The following ELSPBP1 variants were observed in gnomAD, a reference collection of about 807,000 sequenced individuals.
ELSPBP1 encodes the protein epididymal sperm-binding protein 1.
Under a neutral mutation model 33.3 loss-of-function variants are expected in ELSPBP1, and 38 were observed. The ratio of observed to expected loss-of-function variants is 1.14; its 90% CI spans 0.88 to 1.50. The LOEUF (loss-of-function observed/expected upper bound fraction) is 1.50, where lower values mean the gene tolerates loss of function less well. ELSPBP1 is among the 40% of genes most tolerant of loss of function. The pLI, the probability that ELSPBP1 is intolerant of heterozygous loss-of-function variation, is 0.00. For synonymous variants in ELSPBP1, 85 were observed against 94.1 expected (o/e 0.90, Z 0.56); for missense variants, 267 against 263.5 (o/e 1.01, Z -0.09).
At chr19:48,021,543 G>A (rs780940717) in intron 5 of ELSPBP1, among the ~76,000 whole-genome samples, 32 of 151,822 alleles carry the variant, frequency 2.1e-4, no homozygotes, top group Non-Finnish European at 2.9e-4. Flanking sequence ...GGGTTCAAGC[G>A]ATTCTTCTGC....
chr19:48,023,880 A>AT lies in ELSPBP1; in HGVS notation c.*8-1064dup, dbSNP rs1282825066. ...TTCTTTTTCTTTATTTTATTTATTT[A>AT]TTTTTTTTGAGACGGGGTCTCACTC... On this transcript the variant is annotated intron_variant, in intron 6 of 6. Transcript: ENST00000339841. Among the ~76,000 whole-genome samples, 11 of 123,944 alleles carry AT rather than the reference A, an allele frequency of 8.9e-5. No homozygotes were observed. In the East Asian group the frequency reaches 1.1e-3, roughly 13 times the overall value. The allele number at this position is 123,944 out of a possible 152,430, so 81.3% of individuals were successfully genotyped here.
At chr19:47,996,562 ATGT>A (rs1966914367) in intron 1 of ELSPBP1, among the ~76,000 whole-genome samples, 1 of 151,984 alleles carries the variant, frequency 6.6e-6, no homozygotes, top group Non-Finnish European at 1.5e-5. Context: ...TGATGGATGG[ATGT>A]ATGGATGATG....
At chr19:48,022,887 CA>C (rs10695720) in intron 6 of ELSPBP1, among the ~76,000 whole-genome samples, 28 of 140,662 alleles carry the variant, frequency 2.0e-4, no homozygotes, top group Middle Eastern at 3.6e-3. Flanking sequence ...CCTGTCTCTA[CA>C]AAAAAAAAAA....
chr19:48,007,274 C>A (rs1440619541), intron 1 of ELSPBP1, among the ~76,000 whole-genome samples: 2 of 152,166 alleles, frequency 1.3e-5, no homozygotes, highest in Non-Finnish European at 2.9e-5. Context: ...TGCCTAAGAA[C>A]TCTGACACTA....
rs781653767 is a variant in ELSPBP1 at position 48,001,506 on chromosome 19, C to T, written c.-18+6695C>T. 2.5e-4 allele frequency among the ~76,000 whole-genome samples: 38 copies of T among 152,126 alleles called. No homozygotes were observed. In the East Asian group the frequency reaches 3.7e-3, roughly 15 times the overall value. ...GACATTGGGTCCATCTGGGGAATCC[C>T]GGATCATCTTCCCATCTCAAGATCC... On this transcript the variant is annotated intron_variant, in intron 1 of 6. Transcript: ENST00000339841.
At chr19:48,013,696 G>A (rs1967100379) in intron 2 of ELSPBP1, among the ~76,000 whole-genome samples, 1 of 149,996 alleles carries the variant, frequency 6.7e-6, no homozygotes, top group Non-Finnish European at 1.5e-5. Context: ...CAGCCTGGGT[G>A]ACAGAGTAAG....
intron 2 of ELSPBP1, 102 bp from the exon 3 acceptor site, chr19:48,014,069 G>A (rs1363005969): frequency 5.1e-6 from 7 of 1,379,306 alleles, no homozygotes; most frequent in Middle Eastern, 1.8e-4. Context: ...GGCAGGGAGG[G>A]AACACGGACA....
chr19:47,998,446 A>T (rs1353159817), intron 1 of ELSPBP1, among the ~76,000 whole-genome samples: 1 of 151,658 alleles, frequency 6.6e-6, no homozygotes, highest in Non-Finnish European at 1.5e-5. Context: ...TCAATCAATC[A>T]ATCTCAGGGA....
At chr19:48,020,275 C>G (rs1967185699) in intron 5 of ELSPBP1, among the ~76,000 whole-genome samples, 2 of 152,224 alleles carry the variant, frequency 1.3e-5, no homozygotes, top group Admixed American at 6.5e-5. Flanking sequence ...TGTGATCACA[C>G]CTCTGTACTC....
intron 1 of ELSPBP1, among the ~76,000 whole-genome samples, chr19:48,001,805 A>G (rs968388995): frequency 2.6e-5 from 4 of 151,600 alleles, no homozygotes; most frequent in African/African-American, 9.7e-5. Flanking sequence ...CTCCCACCTC[A>G]GCCTCTCGAA....
At chr19:47,998,895 G>A (rs1426644982) in intron 1 of ELSPBP1, among the ~76,000 whole-genome samples, 1 of 152,022 alleles carries the variant, frequency 6.6e-6, no homozygotes, top group Admixed American at 6.6e-5. Context: ...AACACACCGC[G>A]CATGCTCACT....
intron 1 of ELSPBP1, among the ~76,000 whole-genome samples, chr19:48,005,297 C>T (rs535824225): frequency 6.6e-6 from 1 of 152,136 alleles, no homozygotes; most frequent in South Asian, 2.1e-4. Context: ...ATCAGTGAGG[C>T]AACAGGACAA....
Position 48,024,984 on chromosome 19 carries a change from G to A in ELSPBP1, c.*40G>A, listed in dbSNP as rs987374335. ...GAAATATCTTCAGAGGAAGACTGCC[G>A]CCATACTGAGGCTGAGCACAGATTT... On this transcript the variant is annotated 3_prime_UTR_variant, in exon 7 of 7. Coordinates refer to ENST00000339841, the MANE Select transcript of ELSPBP1 (RefSeq NM_022142.5). 5.9e-5 allele frequency: 9 copies of A among 152,114 alleles called. No homozygotes were observed. Among genetic ancestry groups the A allele is most frequent in the Admixed American group, 2.6e-4 (4 of 15,276 alleles). 9.4% of individuals were successfully genotyped at this position (152,114 alleles called of 1,614,324 possible). A position where few individuals can be genotyped will look rare whatever the true frequency, so the allele number is the denominator to read the frequency against.
chr19:48,018,433 C>G (rs1409173144), intron 4 of ELSPBP1, among the ~76,000 whole-genome samples: 1 of 152,098 alleles, frequency 6.6e-6, no homozygotes, highest in Non-Finnish European at 1.5e-5. Flanking sequence ...AAGTTAGACC[C>G]GAGTTGGAAT....
chr19:47,998,500 C>G (rs974893702), intron 1 of ELSPBP1, among the ~76,000 whole-genome samples: 5 of 151,762 alleles, frequency 3.3e-5, no homozygotes, highest in African/African-American at 1.2e-4. Flanking sequence ...GACAAAATGG[C>G]AGAGTCCGGG....
chr19:48,019,766 T>G lies in ELSPBP1; in HGVS notation c.403T>G (p.Tyr135Asp). The G allele has an allele frequency of 6.2e-7, 1 of 1,614,090 alleles. No individual in the cohort carries two copies. The highest frequency in any genetic ancestry group is 8.5e-7 in the Non-Finnish European group (1 of 1,179,998). ...LRKPCIFPSI[Y>D]RNNVVSDCME... ...GAAGCCCTGCATCTTCCCCTCCATC[T>G]ACAGAAATAATGTGGTCTCTGATTG... Residue 135 changes from tyrosine (Y) to aspartate (D), a missense_variant, in exon 5 of 7, where the codon TAC (tyrosine) becomes GAC (aspartate). Transcript: ENST00000339841.
chr19:48,023,513 AAAT>A (rs1213412595), intron 6 of ELSPBP1, among the ~76,000 whole-genome samples: 4 of 91,940 alleles, frequency 4.4e-5, no homozygotes, highest in East Asian at 2.6e-4. Context: ...AAGAGGAAGG[AAAT>A]AAGGAAGGAA....
intron 1 of ELSPBP1, among the ~76,000 whole-genome samples, chr19:48,006,929 A>C (rs1455223292): frequency 6.6e-6 from 1 of 152,126 alleles, no homozygotes; most frequent in African/African-American, 2.4e-5. Flanking sequence ...AGAGCCAAGC[A>C]CTGTTGGGAG....
At position 47,996,863 on chromosome 19, in the gene ELSPBP1, C is replaced by T. The variant is rs1285449297; in HGVS notation, c.-18+2052C>T. ...TGTTTGCTTAATTAATTAATTACTG[C>T]CGGTCTAGCATGGTGAATGAATGTT... is the stretch of plus-strand genomic sequence containing the variant. On this transcript the variant is annotated intron_variant, in intron 1 of 6. Coordinates refer to ENST00000339841, the MANE Select transcript of ELSPBP1 (RefSeq NM_022142.5). Among the ~76,000 whole-genome samples, 4 of 152,236 alleles carry T rather than the reference C, an allele frequency of 2.6e-5. No homozygotes were observed. The Middle Eastern group carries it at 0.01, about 388-fold the overall frequency.
Sources: allele counts gnomAD v4.1 joint callset (sites outside exome capture counted in the v4.1 genomes callset), GRCh38; gene constraint gnomAD v4.1.1; transcripts MANE v1.5; gene names NCBI Gene and HGNC (gene_info 2026-07-23, HGNC 2026-07-21).